The following EDARADD variants were observed in gnomAD, a reference collection of about 807,000 sequenced individuals.
EDARADD encodes the protein ectodysplasin-A receptor-associated adapter protein.
A neutral mutation model predicts 25.6 loss-of-function variants in EDARADD; 20 were observed. The ratio of observed to expected loss-of-function variants is 0.78; its 90% confidence interval spans 0.55 to 1.14. EDARADD has a LOEUF of 1.14. EDARADD is among the 50% of genes most tolerant of loss of function. The pLI is 0.00. For synonymous variants in EDARADD, 86 were observed against 94.4 expected (o/e 0.91, Z 0.52); for missense variants, 225 against 270.1 (o/e 0.83, Z 1.17).
At chr1:236,436,789 T>G (rs1475178432) in intron 4 of EDARADD, among the ~76,000 whole-genome samples, 1 of 152,096 alleles carries the variant, frequency 6.6e-6, no homozygotes, top group Non-Finnish European at 1.5e-5. Context: ...GGCATTTGGT[T>G]GGGACAGTTG....
upstream of EDARADD, among the ~76,000 whole-genome samples, chr1:236,393,597 A>G (rs1268433659): frequency 6.6e-6 from 1 of 151,722 alleles, no homozygotes; most frequent in African/African-American, 2.4e-5. Flanking sequence ...GGGTTTCATC[A>G]CATTGGCCAG....
chr1:236,416,025 A>G (rs1657631100), intron 3 of EDARADD, among the ~76,000 whole-genome samples: 1 of 151,742 alleles, frequency 6.6e-6, no homozygotes, highest in Admixed American at 6.6e-5. Flanking sequence ...GTTTGGCCAA[A>G]GCTCTCCTCC....
chr1:236,448,741 G>A (rs904408119), intron 4 of EDARADD, among the ~76,000 whole-genome samples: 5 of 152,156 alleles, frequency 3.3e-5, no homozygotes, highest in Admixed American at 3.3e-4. Context: ...GGGAAATGCC[G>A]TCTTCACCTA....
intron 3 of EDARADD, among the ~76,000 whole-genome samples, chr1:236,420,256 C>G (rs767210925): frequency 3.9e-5 from 6 of 152,132 alleles, no homozygotes; most frequent in Non-Finnish European, 5.9e-5. Flanking sequence ...ATCAATCAAT[C>G]CCTCACTTCA....
At chr1:236,442,718 G>T (rs640918) in intron 4 of EDARADD, among the ~76,000 whole-genome samples, 150,458 of 152,356 alleles carry the variant, frequency 0.99, 74,313 homozygotes, top group East Asian at 1. Flanking sequence ...TTAAGACCTA[G>T]TGCTCAATAA....
intron 4 of EDARADD, among the ~76,000 whole-genome samples, chr1:236,466,517 A>G (rs1438249380): frequency 6.6e-6 from 1 of 152,116 alleles, no homozygotes; most frequent in Non-Finnish European, 1.5e-5. Context: ...AACTTCAACT[A>G]AATGAAAAGA....
chr1:236,363,989 G>A (rs1427072378), intron 3 of EDARADD, among the ~76,000 whole-genome samples: 1 of 151,980 alleles, frequency 6.6e-6, no homozygotes, highest in Non-Finnish European at 1.5e-5. Context: ...AACATAGCAA[G>A]ACTGTCTCTA....
At chr1:236,401,080 G>A (rs1196871881) in intron 1 of EDARADD, among the ~76,000 whole-genome samples, 3 of 152,012 alleles carry the variant, frequency 2.0e-5, no homozygotes, top group African/African-American at 7.2e-5. Context: ...CAGCTATATG[G>A]GAGGCTGAGG....
chr1:236,367,780 ACT>A (rs1271272186), intron 3 of EDARADD, among the ~76,000 whole-genome samples: 2 of 152,088 alleles, frequency 1.3e-5, no homozygotes, highest in East Asian at 1.9e-4. Flanking sequence ...TTCATAACTG[ACT>A]CTAATGAAAA....
chr1:236,468,352 G>A (rs1201004189), intron 5 of EDARADD, 76 bp downstream of exon 5: 17 of 1,479,018 alleles, frequency 1.1e-5, no homozygotes, highest in Admixed American at 5.0e-5. Context: ...GGCCAGGGTC[G>A]GTGACTCATG....
Position 236,415,680 on chromosome 1 carries a change from G to A in EDARADD, c.160+1381G>A, listed in dbSNP as rs148856506. On this transcript the variant is annotated intron_variant, in intron 3 of 5. Transcript: ENST00000334232. ...GGCTGGTCTTGAACTCCTGACCTCA[G>A]ATGATCCACCTGCCTTGGCCTCCCA... is the stretch of plus-strand genomic sequence containing the variant. Among the ~76,000 whole-genome samples, 579 of 152,228 alleles carry A rather than the reference G, an allele frequency of 3.8e-3. 4 individuals carry two copies. Among genetic ancestry groups the A allele is most frequent in the African/African-American group, 0.013 (560 of 41,520 alleles).
intron 3 of EDARADD, among the ~76,000 whole-genome samples, chr1:236,366,741 C>CTCTTTTTTGTTTTTTT (rs146073425): frequency 6.9e-6 from 1 of 144,212 alleles, no homozygotes; most frequent in Non-Finnish European, 1.5e-5. Flanking sequence ...TCATCTCTCT[C>CTCTTTTTTGTTTTTTT]TTTTTTTTGT....
chr1:236,474,752 T>C (rs1186746512), intron 5 of EDARADD, among the ~76,000 whole-genome samples: 1 of 152,230 alleles, frequency 6.6e-6, no homozygotes, highest in African/African-American at 2.4e-5. Context: ...CATTCATTTG[T>C]TCATTTAGCA....
rs1344196232 is a variant in EDARADD at position 236,386,238 on chromosome 1, G to T, written c.-5-22978G>T. Among the ~76,000 whole-genome samples the T allele has an allele frequency of 2.7e-4, 9 of 33,154 alleles. 4 individuals are homozygous for T. Among genetic ancestry groups the T allele is most frequent in the Non-Finnish European group, 6.2e-4 (9 of 14,468 alleles). The allele number at this position is 33,154 out of a possible 152,430, so 21.8% of individuals were successfully genotyped here. Reference sequence around the variant, plus strand: ...TGCTCAATGGTGCCCAGGCTGGAGTGCAGTGGCGTGATCTCGGCTCGCTAC... The same window carrying T: ...TGCTCAATGGTGCCCAGGCTGGAGTTCAGTGGCGTGATCTCGGCTCGCTAC... On this transcript the variant is annotated intron_variant, in intron 3 of 7. Coordinates refer to the EDARADD transcript ENST00000439430.
chr1:236,450,389 C>T (rs1384236564), intron 4 of EDARADD, among the ~76,000 whole-genome samples: 2 of 151,996 alleles, frequency 1.3e-5, no homozygotes, highest in Non-Finnish European at 2.9e-5. Context: ...GTTATAGTCA[C>T]ACTGTATAGA....
In EDARADD at chr1:236,447,170, C is replaced by CTCTTTCTTTCTTTCTT. The variant is rs1240943288; in HGVS notation, c.219+19759_219+19774dup. ...CCTTCCTTCCTCCCTCCCTCCCTCC[C>CTCTTTCTTTCTTTCTT]TCTTTCTTTCTTTCTTTCTTTCTTT... On this transcript the variant is annotated intron_variant, in intron 4 of 5. Transcript: ENST00000334232. Among the ~76,000 whole-genome samples, 131 of 93,678 alleles carry CTCTTTCTTTCTTTCTT rather than the reference C, an allele frequency of 1.4e-3. 1 individual carries two copies. In the East Asian group the frequency reaches 0.015, roughly 11 times the overall value. The allele number at this position is 93,678 out of a possible 152,430, so 61.5% of individuals were successfully genotyped here. A position where few individuals can be genotyped will look rare whatever the true frequency, so the allele number is the denominator to read the frequency against.
chr1:236,352,493 C>T (rs1666928073), intron 3 of EDARADD, among the ~76,000 whole-genome samples: 1 of 152,156 alleles, frequency 6.6e-6, no homozygotes, highest in African/African-American at 2.4e-5. Flanking sequence ...TCATTTGAAG[C>T]CAAGAGTTCA....
chr1:236,377,634 C>T (rs1302492871), intron 3 of EDARADD, among the ~76,000 whole-genome samples: 1 of 150,956 alleles, frequency 6.6e-6, no homozygotes, highest in Non-Finnish European at 1.5e-5. Flanking sequence ...CCGAGGTGGG[C>T]AGATCATAAG....
upstream of EDARADD, among the ~76,000 whole-genome samples, chr1:236,390,930 C>T (rs1249901360): frequency 1.5e-5 from 1 of 64,562 alleles, no homozygotes; most frequent in Admixed American, 1.8e-4. Context: ...CACCTGTGTG[C>T]TCTTGGGTTA....
Sources: allele counts gnomAD v4.1 joint callset (sites outside exome capture counted in the v4.1 genomes callset), GRCh38; gene constraint gnomAD v4.1.1; transcripts MANE v1.5; gene names NCBI Gene and HGNC (gene_info 2026-07-23, HGNC 2026-07-21).